The following ISX variants were observed in gnomAD, a reference collection of about 807,000 sequenced individuals.
ISX encodes the protein intestine specific homeobox.
In ISX, 15 loss-of-function variants were observed where a neutral mutation model predicts 16.9. The observed-to-expected ratio is 0.89, with a 90% CI of 0.59 to 1.36. The LOEUF is 1.36. Ranked by LOEUF, ISX falls within the 40% of genes most tolerant of loss-of-function variation. The pLI, the probability that ISX is intolerant of heterozygous loss-of-function variation, is 0.00. For synonymous variants in ISX, 125 were observed against 119.7 expected, an observed-to-expected ratio of 1.04 and a Z score of -0.29; for missense variants, 316 against 306.1, an observed-to-expected ratio of 1.03 and a Z score of -0.24.
chr22:35,079,662 A>G (rs543736644), intron 2 of ISX, among the ~76,000 whole-genome samples: 53 of 152,158 alleles, frequency 3.5e-4, no homozygotes, highest in South Asian at 1.2e-3. Flanking sequence ...TTATTTCCCA[A>G]GAGCGGTTTT....
chr22:35,075,818 G>T (rs1462890223), intron 2 of ISX, among the ~76,000 whole-genome samples: 1 of 152,086 alleles, frequency 6.6e-6, no homozygotes, highest in Non-Finnish European at 1.5e-5. Flanking sequence ...TTTCTCAAGG[G>T]TCTCCTCCTA....
intron 2 of ISX, among the ~76,000 whole-genome samples, chr22:35,082,252 T>C (rs1412322664): frequency 6.6e-6 from 1 of 152,248 alleles, no homozygotes; most frequent in African/African-American, 2.4e-5. Context: ...AAGGAAGTCA[T>C]TGAAGGCAAT....
chr22:35,085,169 G>A (rs1397698074), intron 4 of ISX, among the ~76,000 whole-genome samples: 1 of 152,124 alleles, frequency 6.6e-6, no homozygotes, highest in Non-Finnish European at 1.5e-5. Flanking sequence ...TGGGCTCTGA[G>A]AGGCAAAGTG....
intron 3 of ISX, among the ~76,000 whole-genome samples, chr22:35,082,955 C>T (rs1388949194): frequency 1.3e-5 from 2 of 152,166 alleles, no homozygotes; most frequent in Non-Finnish European, 2.9e-5. Flanking sequence ...TCCCAAACGT[C>T]GTTCACAATG....
chr22:35,067,098 AGGT>A lies in ISX; in HGVS notation c.14_16del (p.Val5del). 6.2e-7 allele frequency: 1 copy of A among 1,613,492 alleles called. No homozygotes were observed. Among genetic ancestry groups the A allele is most frequent in the South Asian group, 1.1e-5 (1 of 91,040 alleles). The stretch of plus-strand genomic sequence containing the variant: ...CCCCTGAGCCCCTCAATGTGTGCTG[AGGT>A]GGGCCCTGCTCTCTGCAGGGGTATG... On this transcript the variant is annotated inframe_deletion, in exon 2 of 5. Coordinates refer to ENST00000404699, the MANE Select transcript of ISX (RefSeq NM_001303508.2).
chr22:35,073,349 T>C (rs1230838261), intron 2 of ISX, among the ~76,000 whole-genome samples: 2 of 152,190 alleles, frequency 1.3e-5, no homozygotes, highest in African/African-American at 4.8e-5. Flanking sequence ...GATTTTTCCA[T>C]GGACGGTGGG....
chr22:35,073,125 A>G (rs1928897702), intron 2 of ISX, among the ~76,000 whole-genome samples: 1 of 152,206 alleles, frequency 6.6e-6, no homozygotes, highest in African/African-American at 2.4e-5. Context: ...GCTTCCTTTT[A>G]GGACTTAGCC....
At chr22:35,070,990 T>C (rs1203957056) in intron 2 of ISX, among the ~76,000 whole-genome samples, 2 of 152,206 alleles carry the variant, frequency 1.3e-5, no homozygotes, top group Non-Finnish European at 2.9e-5. Context: ...AAACTTTATA[T>C]ACAAAAACAG....
intron 2 of ISX, among the ~76,000 whole-genome samples, chr22:35,081,042 G>T (rs1183912768): frequency 6.6e-6 from 1 of 152,178 alleles, no homozygotes; most frequent in African/African-American, 2.4e-5. Flanking sequence ...TTAACAAAAA[G>T]GTAGATGAAT....
At position 35,085,543 on chromosome 22, in the gene ISX, G is replaced by C; in HGVS notation, c.588G>C (p.Trp196Cys). 2 of 1,614,214 alleles carry C rather than the reference G, an allele frequency of 1.2e-6. No homozygotes were observed. The highest frequency in any genetic ancestry group is 1.7e-6 in the Non-Finnish European group (2 of 1,180,042). ...PSAQDQLASA[W>C]FPAWITLLPA... Reference sequence around the variant, plus strand: ...CTCAAGATCAGCTGGCCTCTGCCTGGTTCCCTGCCTGGATCACCCTCCTCC... The same window carrying C: ...CTCAAGATCAGCTGGCCTCTGCCTGCTTCCCTGCCTGGATCACCCTCCTCC... Residue 196 changes from tryptophan to cysteine, a missense_variant, in exon 5 of 5, where the codon TGG becomes TGC. By Grantham distance (215) the Trp-to-Cys change is radical (BLOSUM62 -2). Transcript: ENST00000404699.
At position 35,085,509 on chromosome 22, in the gene ISX, G is replaced by A; in HGVS notation, c.554G>A (p.Cys185Tyr). The change falls in exon 5 of 5, where the codon TGT (cysteine) becomes TAT (tyrosine). Residue 185 changes from cysteine (C) to tyrosine (Y), a missense_variant. Transcript: ENST00000404699. ...LRRLAPPTSCCPSAQDQLASA... is the reference protein window; with the variant it reads ...LRRLAPPTSCYPSAQDQLASA... ...AGGCTGGCTCCTCCCACGAGCTGTT[G>A]TCCATCGGCTCAAGATCAGCTGGCC... 6.2e-7 allele frequency: 1 copy of A among 1,614,172 alleles called. No individual in the cohort carries two copies. Among genetic ancestry groups the A allele is most frequent in the Non-Finnish European group, 8.5e-7 (1 of 1,180,022 alleles).
chr22:35,082,376 T>C (rs1001468626), intron 2 of ISX, 142 bp from the exon 3 acceptor site: 8 of 746,856 alleles, frequency 1.1e-5, no homozygotes, highest in Admixed American at 7.2e-5. Flanking sequence ...AAGAGAATAC[T>C]GTGAAGCTCC....
chr22:35,079,998 C>T (rs919520875), intron 2 of ISX, among the ~76,000 whole-genome samples: 16 of 152,210 alleles, frequency 1.1e-4, no homozygotes, highest in African/African-American at 3.6e-4. Context: ...ATCTTCCTTA[C>T]TCTCCATTGT....
chr22:35,072,008 T>C (rs1033941131), intron 2 of ISX, among the ~76,000 whole-genome samples: 1 of 152,240 alleles, frequency 6.6e-6, no homozygotes, highest in African/African-American at 2.4e-5. Context: ...TTAACAGCTC[T>C]GGCTCTTACC....
chr22:35,085,365 T>G, intron 4 of ISX, 89 bp from the exon 5 acceptor site: 1 of 1,529,270 alleles, frequency 6.5e-7, no homozygotes, highest in African/African-American at 1.4e-5. Flanking sequence ...CTACCCACTC[T>G]TAGCTGCCCA....
chr22:35,082,705 G>A (rs1929152111), intron 3 of ISX, 36 bp downstream of exon 3: 1 of 1,610,594 alleles, frequency 6.2e-7, no homozygotes. Flanking sequence ...CAGCCTCCAT[G>A]CCCTTGGGAC....
chr22:35,080,435 T>G (rs1284991359), intron 2 of ISX, among the ~76,000 whole-genome samples: 2 of 151,614 alleles, frequency 1.3e-5, no homozygotes. Context: ...TACAAACACA[T>G]GAACACACAC....
chr22:35,083,480 T>C (rs1929171035), intron 3 of ISX, among the ~76,000 whole-genome samples: 1 of 152,222 alleles, frequency 6.6e-6, no homozygotes, highest in Admixed American at 6.5e-5. Context: ...CAGTAGCCCA[T>C]TGTCACTCAC....
Position 35,083,437 on chromosome 22 carries a change from C to T in ISX, c.381+768C>T, listed in dbSNP as rs76848291. ...AATCTCTCATCTGTGATCTCTTCAC[C>T]GCAGTTTATTGCTTCATGCAGGATT... On this transcript the variant is annotated intron_variant, in intron 3 of 4. Coordinates refer to ENST00000404699, the MANE Select transcript of ISX (RefSeq NM_001303508.2). 9.3e-3 allele frequency among the ~76,000 whole-genome samples: 1,421 copies of T among 152,254 alleles called. 22 individuals carry two copies. Among genetic ancestry groups the T allele is most frequent in the African/African-American group, 0.032 (1,340 of 41,558 alleles).
Sources: allele counts gnomAD v4.1 joint callset (sites outside exome capture counted in the v4.1 genomes callset), GRCh38; gene constraint gnomAD v4.1.1; transcripts MANE v1.5; gene names NCBI Gene and HGNC (gene_info 2026-07-23, HGNC 2026-07-21).